Variants in ADAM18 observed in about 807,000 individuals in gnomAD.
ADAM18 encodes the protein ADAM metallopeptidase domain 18.
ADAM18 carries 117 observed loss-of-function variants against 94.4 expected under a neutral mutation model. The observed-to-expected ratio is 1.24, with a 90% confidence interval of 1.07 to 1.45. The LOEUF is 1.45. ADAM18 is among the 40% of genes most tolerant of loss of function. The pLI, the probability that ADAM18 is intolerant of heterozygous loss-of-function variation, is 0.00. For missense variants in ADAM18, 936 were observed against 880.0 expected (o/e 1.06, Z -0.81); for synonymous variants, 327 against 291.6 (o/e 1.12, Z -1.24).
At chr8:39,652,488 AAG>A (rs1476106943) in intron 12 of ADAM18, among the ~76,000 whole-genome samples, 8 of 152,168 alleles carry the variant, frequency 5.3e-5, no homozygotes, top group African/African-American at 1.7e-4. Flanking sequence ...TAAAATCAGA[AAG>A]AGATATTACC....
At chr8:39,666,162 C>T (rs906874942) in intron 13 of ADAM18, among the ~76,000 whole-genome samples, 1 of 152,122 alleles carries the variant, frequency 6.6e-6, no homozygotes, top group Non-Finnish European at 1.5e-5. Context: ...CTCAGCCTCC[C>T]AAGTAGCTAG....
At chr8:39,617,892 G>A (rs1460976445) in intron 6 of ADAM18, among the ~76,000 whole-genome samples, 1 of 151,942 alleles carries the variant, frequency 6.6e-6, no homozygotes, top group Admixed American at 6.6e-5. Context: ...TCATTACCTG[G>A]GTGACACATT....
At chr8:39,671,835 A>G (rs960389493) in intron 14 of ADAM18, among the ~76,000 whole-genome samples, 3 of 152,198 alleles carry the variant, frequency 2.0e-5, no homozygotes, top group Non-Finnish European at 4.4e-5. Context: ...CAGTAAGGAA[A>G]CTATACTCCA....
intron 2 of ADAM18, among the ~76,000 whole-genome samples, chr8:39,595,684 G>T (rs1323532222): frequency 6.6e-6 from 1 of 151,922 alleles, no homozygotes; most frequent in Non-Finnish European, 1.5e-5. Context: ...ACCATACCTG[G>T]CTAATTTTTT....
intron 2 of ADAM18, among the ~76,000 whole-genome samples, chr8:39,590,379 G>C (rs1818536616): frequency 6.6e-6 from 1 of 152,142 alleles, no homozygotes; most frequent in African/African-American, 2.4e-5. Context: ...GGTGGGAATT[G>C]AGCAATGAGA....
intron 6 of ADAM18, among the ~76,000 whole-genome samples, chr8:39,620,363 A>G (rs529129708): frequency 8.6e-6 from 1 of 116,276 alleles, no homozygotes; most frequent in South Asian, 2.7e-4. Context: ...AAAGCAAAAA[A>G]AAAAAAAAAA....
At chr8:39,679,128 C>G (rs1430859229) in intron 15 of ADAM18, among the ~76,000 whole-genome samples, 1 of 152,152 alleles carries the variant, frequency 6.6e-6, no homozygotes, top group African/African-American at 2.4e-5. Flanking sequence ...GGCTCTTAAT[C>G]TCATTTCAAT....
intron 10 of ADAM18, 59 bp from the exon 11 acceptor site, chr8:39,645,279 C>A: frequency 7.1e-7 from 1 of 1,417,736 alleles, no homozygotes; most frequent in African/African-American, 1.4e-5. Context: ...AAAAATATTT[C>A]AAGTTATTAC....
At chr8:39,710,366 A>G (rs1172077153) in intron 18 of ADAM18, among the ~76,000 whole-genome samples, 1 of 152,204 alleles carries the variant, frequency 6.6e-6, no homozygotes, top group Non-Finnish European at 1.5e-5. Flanking sequence ...ATATACTTAA[A>G]GGGTAATTCA....
chr8:39,698,304 A>T (rs1563311369), intron 17 of ADAM18, among the ~76,000 whole-genome samples: 1 of 151,766 alleles, frequency 6.6e-6, no homozygotes, highest in East Asian at 1.9e-4. Context: ...GGGAAATTTC[A>T]TCTTCTCTAT....
chr8:39,605,739 GC>G, intron 2 of ADAM18: 1 of 222,936 alleles, frequency 4.5e-6, no homozygotes. Context: ...TTTTTGGGGA[GC>G]AGGTGGTATT....
chr8:39,619,520 T>C (rs2129578760), intron 6 of ADAM18, among the ~76,000 whole-genome samples: 1 of 152,166 alleles, frequency 6.6e-6, no homozygotes, highest in South Asian at 2.1e-4. Context: ...AGAGAAACAT[T>C]GGAAACTGTA....
At chr8:39,628,290 T>C (rs1819829319) in intron 6 of ADAM18, among the ~76,000 whole-genome samples, 1 of 151,946 alleles carries the variant, frequency 6.6e-6, no homozygotes, top group African/African-American at 2.4e-5. Context: ...TCCCCTTTTT[T>C]ACAAAATTGC....
At chr8:39,720,689 T>C (rs1822720616) in intron 18 of ADAM18, among the ~76,000 whole-genome samples, 1 of 151,330 alleles carries the variant, frequency 6.6e-6, no homozygotes, top group East Asian at 1.9e-4. Flanking sequence ...TACAGTGGTG[T>C]TTGCATTTCA....
At position 39,723,732 on chromosome 8, in the gene ADAM18, T is replaced by C. The variant is rs200133959; in HGVS notation, c.2018-16T>C. 6.9e-6 allele frequency: 10 copies of C among 1,443,632 alleles called. No homozygotes were observed. The highest frequency in any genetic ancestry group is 1.6e-5 in the South Asian group (1 of 61,590). 89.4% of individuals were successfully genotyped at this position (1,443,632 alleles called of 1,614,324 possible). A position where few individuals can be genotyped will look rare whatever the true frequency, so the allele number is the denominator to read the frequency against. Reference sequence around the variant, plus strand: ...CCACTGAGTCCCCACTAATTTATCATATGATTCATTTCTAGGTGACTTTTA... The same window carrying C: ...CCACTGAGTCCCCACTAATTTATCACATGATTCATTTCTAGGTGACTTTTA... On this transcript the variant is annotated splice_polypyrimidine_tract_variant and intron_variant, in intron 18 of 19. Coordinates refer to ENST00000265707, the MANE Select transcript of ADAM18 (RefSeq NM_014237.3).
chr8:39,614,863 G>A (rs1382089283), intron 6 of ADAM18, among the ~76,000 whole-genome samples: 1 of 152,116 alleles, frequency 6.6e-6, no homozygotes, highest in East Asian at 1.9e-4. Context: ...TGGACAAAGA[G>A]CACTGCATAG....
intron 12 of ADAM18, among the ~76,000 whole-genome samples, chr8:39,649,224 T>A (rs910538314): frequency 6.6e-6 from 1 of 152,126 alleles, no homozygotes. Flanking sequence ...CATTTTAACA[T>A]ACCATTAAAT....
At chr8:39,652,432 A>G (rs1820563280) in intron 12 of ADAM18, among the ~76,000 whole-genome samples, 1 of 152,216 alleles carries the variant, frequency 6.6e-6, no homozygotes, top group Non-Finnish European at 1.5e-5. Context: ...GACAACAGGT[A>G]TATGAAAATA....
intron 10 of ADAM18, among the ~76,000 whole-genome samples, chr8:39,641,378 C>T (rs1257272250): frequency 2.0e-5 from 3 of 152,062 alleles, no homozygotes; most frequent in African/African-American, 7.2e-5. Context: ...CAATACCATG[C>T]TGTTTTGGTT....
Sources: allele counts gnomAD v4.1 joint callset (sites outside exome capture counted in the v4.1 genomes callset), GRCh38; gene constraint gnomAD v4.1.1; transcripts MANE v1.5; gene names NCBI Gene and HGNC (gene_info 2026-07-23, HGNC 2026-07-21).